GLG1: variants seen among roughly 807,000 people sequenced by gnomAD.
The protein encoded by GLG1 is Golgi apparatus protein 1.
GLG1 carries 38 observed loss-of-function variants against 160.5 expected under a neutral mutation model. That is an observed-to-expected ratio of 0.24 (90% CI 0.18 to 0.31). The LOEUF (loss-of-function observed/expected upper bound fraction) is 0.31. Among genes scored for constraint, GLG1 ranks in the 10% least tolerant of loss-of-function variants. The probability of loss-of-function intolerance (pLI) is 1.00; values close to 1 mark genes in which losing one functional copy is unlikely to be tolerated. For synonymous variants in GLG1, 644 were observed against 543.4 expected, an observed-to-expected ratio of 1.19 and a Z score of -2.57; for missense variants, 1,373 against 1,505.2, an observed-to-expected ratio of 0.91 and a Z score of 1.45.
At chr16:74,486,474 TCAA>T (rs1365788917) in intron 8 of GLG1, among the ~76,000 whole-genome samples, 2 of 152,228 alleles carry the variant, frequency 1.3e-5, no homozygotes, top group Non-Finnish European at 2.9e-5. Flanking sequence ...CCCATTTTCC[TCAA>T]CTATTTTTCT....
rs563183085 is a variant in GLG1 at position 74,452,537 on chromosome 16, A to T, written c.*630T>A. ...GTGGCTGATTAGGGTGGAAACTGGAAAGCGTCACTGTCTCAGCAGAAGAAA... is the reference window on the plus strand; with the variant it reads ...GTGGCTGATTAGGGTGGAAACTGGATAGCGTCACTGTCTCAGCAGAAGAAA... On this transcript the variant is annotated 3_prime_UTR_variant, in exon 26 of 26. Transcript: ENST00000422840. 1 of 1,013,404 alleles carries T rather than the reference A, an allele frequency of 9.9e-7. No homozygotes were observed. The highest frequency in any genetic ancestry group is 5.2e-5 in the Admixed American group (1 of 19,216). 62.8% of individuals were successfully genotyped at this position (1,013,404 alleles called of 1,614,324 possible). A position where few individuals can be genotyped will look rare whatever the true frequency, so the allele number is the denominator to read the frequency against.
In GLG1 at chr16:74,577,867, T is replaced by C. The variant is rs146778107; in HGVS notation, c.438+28790A>G. On this transcript the variant is annotated intron_variant, in intron 1 of 25. Coordinates refer to ENST00000422840, the MANE Select transcript of GLG1 (RefSeq NM_001145667.2). ...CCTGAGCTCAAGTGATTCTTCCACC[T>C]TGGCCTCCCAAAGTGCTGGGATTAA... Among the ~76,000 whole-genome samples the C allele has an allele frequency of 7.8e-4, 119 of 152,018 alleles. No individual in the cohort carries two copies. The East Asian group carries it at 0.022, about 28-fold the overall frequency.
chr16:74,452,271 C>G lies in GLG1; in HGVS notation c.*896G>C. ...AGAGCTTCCAGAGTGACTGTAGCCT[C>G]AGCAGGGCCGGTCCAGACATGGCTG... On this transcript the variant is annotated 3_prime_UTR_variant, in exon 26 of 26. Coordinates refer to ENST00000422840, the MANE Select transcript of GLG1 (RefSeq NM_001145667.2). 1 of 1,476,226 alleles carries G rather than the reference C, an allele frequency of 6.8e-7. No homozygotes were observed. Among genetic ancestry groups the G allele is most frequent in the Admixed American group, 2.2e-5 (1 of 45,590 alleles). The allele number at this position is 1,476,226 out of a possible 1,614,324, so 91.4% of individuals were successfully genotyped here. A position where few individuals can be genotyped will look rare whatever the true frequency, so the allele number is the denominator to read the frequency against.
intron 3 of GLG1, among the ~76,000 whole-genome samples, chr16:74,505,967 T>C (rs1019541786): frequency 1.4e-5 from 2 of 141,520 alleles, no homozygotes; most frequent in African/African-American, 5.3e-5. Context: ...GAGGTGGAGG[T>C]TGCAGTGAGC....
rs556948847 is a variant in GLG1 at position 74,563,018 on chromosome 16, T to A, written c.439-30865A>T. ...GTAAAGCTAACCAGTTAGAAAAGGTTTTCCCCCAGAAGCAGATGGCACCCT... is the reference window on the plus strand; with the variant it reads ...GTAAAGCTAACCAGTTAGAAAAGGTATTCCCCCAGAAGCAGATGGCACCCT... On this transcript the variant is annotated intron_variant, in intron 1 of 25. Transcript: ENST00000422840. 3 of 152,220 alleles carry A rather than the reference T, an allele frequency of 2.0e-5. No homozygotes were observed. In the South Asian group the frequency reaches 6.2e-4, roughly 32 times the overall value. The allele number at this position is 152,220 out of a possible 1,614,324, so 9.4% of individuals were successfully genotyped here. A position where few individuals can be genotyped will look rare whatever the true frequency, so the allele number is the denominator to read the frequency against.
At chr16:74,476,031 A>C (rs955794116) in intron 12 of GLG1, among the ~76,000 whole-genome samples, 5 of 151,986 alleles carry the variant, frequency 3.3e-5, no homozygotes, top group South Asian at 2.1e-4. Context: ...AAATACAAAA[A>C]ATCAGGTGGG....
intron 25 of GLG1, among the ~76,000 whole-genome samples, chr16:74,454,324 G>A (rs866538270): frequency 9.2e-5 from 14 of 151,914 alleles, no homozygotes; most frequent in Middle Eastern, 3.4e-3. Context: ...TCCTACCTCA[G>A]CCTCCTGAGT....
chr16:74,525,848 T>C (rs1315603866), intron 2 of GLG1, among the ~76,000 whole-genome samples: 1 of 151,730 alleles, frequency 6.6e-6, no homozygotes, highest in Non-Finnish European at 1.5e-5. Context: ...CAAAAGTTTT[T>C]AATTGTGATG....
chr16:74,589,908 G>C (rs1215096391), intron 1 of GLG1, among the ~76,000 whole-genome samples: 2 of 152,118 alleles, frequency 1.3e-5, no homozygotes, highest in African/African-American at 4.8e-5. Context: ...ATGCACTCCA[G>C]CCTAGGTGAC....
chr16:74,574,773 G>A (rs1413880707), intron 1 of GLG1, among the ~76,000 whole-genome samples: 3 of 146,788 alleles, frequency 2.0e-5, no homozygotes, highest in African/African-American at 7.5e-5. Context: ...AGTCCCAGTT[G>A]CTTGAAAGGC....
rs539069059 is a variant in GLG1 at position 74,450,395 on chromosome 16, C to G, written c.*2772G>C. 31 of 152,332 alleles carry G rather than the reference C, an allele frequency of 2.0e-4. No individual in the cohort carries two copies. Among genetic ancestry groups the G allele is most frequent in the African/African-American group, 6.3e-4 (26 of 41,582 alleles). 9.4% of individuals were successfully genotyped at this position (152,332 alleles called of 1,614,324 possible). A position where few individuals can be genotyped will look rare whatever the true frequency, so the allele number is the denominator to read the frequency against. ...ATGAGTGCGGCCAGTTCAGACTTTG[C>G]TGGCCTTGGCACTTAGAAAAACTTG... is the stretch of plus-strand genomic sequence containing the variant. On this transcript the variant is annotated 3_prime_UTR_variant, in exon 26 of 26. Transcript: ENST00000422840.
intron 18 of GLG1, among the ~76,000 whole-genome samples, chr16:74,466,948 T>C (rs1424554981): frequency 5.9e-5 from 9 of 152,164 alleles, no homozygotes; most frequent in Non-Finnish European, 1.3e-4. Flanking sequence ...GAAAGCAGTA[T>C]GTGAAAGAGC....
intron 1 of GLG1, among the ~76,000 whole-genome samples, chr16:74,587,852 T>C (rs1315380962): frequency 6.6e-6 from 1 of 151,918 alleles, no homozygotes; most frequent in Non-Finnish European, 1.5e-5. Flanking sequence ...GAGACTCCGC[T>C]TCAAAAAAGA....
chr16:74,538,110 A>T (rs1052162447), intron 1 of GLG1, among the ~76,000 whole-genome samples: 1 of 150,788 alleles, frequency 6.6e-6, no homozygotes, highest in Non-Finnish European at 1.5e-5. Flanking sequence ...ATAAAGGAAT[A>T]GGGTCCTTTT....
chr16:74,462,578 T>C lies in GLG1; in HGVS notation c.2844A>G (p.Lys948=), dbSNP rs2014844629. The C allele has an allele frequency of 6.2e-7, 1 of 1,613,784 alleles. No individual in the cohort carries two copies. The highest frequency in any genetic ancestry group is 8.5e-7 in the Non-Finnish European group (1 of 1,179,630). The change falls in exon 21 of 26, where the codon AAA becomes AAG. Residue 948 remains lysine, a synonymous_variant. Transcript: ENST00000422840. ...CCTTAGTCAGGATACCGTGACAGAA[T>C]TTAGGAATGTCAGCTTTACAGGCTT... is the stretch of plus-strand genomic sequence containing the variant. ...LRKACKADIP[K]FCHGILTKAK...
At chr16:74,480,638 C>A (rs932915625) in intron 10 of GLG1, among the ~76,000 whole-genome samples, 5 of 151,598 alleles carry the variant, frequency 3.3e-5, no homozygotes, top group African/African-American at 1.2e-4. Context: ...CTCACTGGAA[C>A]CTCCGTCCCC....
At chr16:74,486,751 A>G (rs1215579704) in intron 8 of GLG1, among the ~76,000 whole-genome samples, 1 of 152,204 alleles carries the variant, frequency 6.6e-6, no homozygotes, top group Non-Finnish European at 1.5e-5. Flanking sequence ...CTTTGAGAAC[A>G]TGGACAAATT....
chr16:74,547,708 T>A (rs1273096460), intron 1 of GLG1, among the ~76,000 whole-genome samples: 2 of 152,224 alleles, frequency 1.3e-5, no homozygotes, highest in African/African-American at 4.8e-5. Flanking sequence ...CCCATAAAAA[T>A]TAGAGTCCTA....
At chr16:74,575,180 A>T (rs964336142) in intron 1 of GLG1, among the ~76,000 whole-genome samples, 3 of 151,894 alleles carry the variant, frequency 2.0e-5, no homozygotes, top group Non-Finnish European at 4.4e-5. Context: ...TGGGAGGCAG[A>T]GGCTGTAGTG....
Sources: gnomAD v4.1 joint callset for allele counts (sites outside exome capture counted in the v4.1 genomes callset) on GRCh38, gnomAD v4.1.1 for gene constraint, MANE v1.5 for transcripts, NCBI Gene and HGNC (gene_info 2026-07-23, HGNC 2026-07-21) for gene names.